The following ROBO2 variants were observed in gnomAD, a reference collection of about 807,000 sequenced individuals.
ROBO2 encodes the protein roundabout guidance receptor 2, also known as roundabout homolog 2.
A neutral mutation model predicts 160.8 loss-of-function variants in ROBO2; 53 were observed. The ratio of observed to expected loss-of-function variants is 0.33; its 90% CI spans 0.26 to 0.41. The LOEUF (loss-of-function observed/expected upper bound fraction) is 0.41. ROBO2 is among the 10% of genes least tolerant of loss of function. ROBO2 has a pLI of 1.00. For missense variants in ROBO2, 1,577 were observed against 1,722.4 expected (o/e 0.92, Z 1.49); for synonymous variants, 664 against 611.7 (o/e 1.09, Z -1.26).
At chr3:77,264,748 G>A (rs772957014) in intron 2 of ROBO2, among the ~76,000 whole-genome samples, 59 of 152,110 alleles carry the variant, frequency 3.9e-4, no homozygotes, top group Non-Finnish European at 7.4e-4. Flanking sequence ...CATTTCTCTC[G>A]AGTTCCTTTA....
At chr3:76,723,634 C>A (rs1463025017) in intron 2 of ROBO2, among the ~76,000 whole-genome samples, 1 of 152,144 alleles carries the variant, frequency 6.6e-6, no homozygotes, top group East Asian at 1.9e-4. Context: ...TGCTAGTAAG[C>A]CCCATAGCTA....
At chr3:77,238,175 C>T (rs1384324512) in intron 2 of ROBO2, among the ~76,000 whole-genome samples, 2 of 151,996 alleles carry the variant, frequency 1.3e-5, no homozygotes, top group Non-Finnish European at 2.9e-5. Context: ...TCTCTCAGCC[C>T]GTGTTTGTCT....
intron 2 of ROBO2, among the ~76,000 whole-genome samples, chr3:76,729,973 G>A (rs562339755): frequency 3.2e-4 from 48 of 152,204 alleles, no homozygotes; most frequent in African/African-American, 1.2e-3. Flanking sequence ...CATCAGTATA[G>A]TCTTGAGAGG....
chr3:76,695,006 A>G (rs1201802073), intron 2 of ROBO2, among the ~76,000 whole-genome samples: 4 of 152,168 alleles, frequency 2.6e-5, no homozygotes, highest in Non-Finnish European at 4.4e-5. Flanking sequence ...CAGGAGGCTG[A>G]GGCAGGAGAA....
chr3:75,993,351 AAAG>A (rs1468130739), intron 2 of ROBO2, among the ~76,000 whole-genome samples: 7 of 152,102 alleles, frequency 4.6e-5, no homozygotes, highest in East Asian at 1.9e-4. Context: ...ATGGTTTTAA[AAAG>A]AAGAATTCCC....
At position 77,509,014 on chromosome 3, in the gene ROBO2, T is replaced by A. The variant is rs116105866; in HGVS notation, c.807-13761T>A. Among the ~76,000 whole-genome samples, 931 of 152,124 alleles carry A rather than the reference T, an allele frequency of 6.1e-3. 14 individuals carry two copies. Among genetic ancestry groups the A allele is most frequent in the African/African-American group, 0.021 (886 of 41,524 alleles). ...GAGCAAACAGGTTTATTAATGAGTG[T>A]AGTGTATGTCAAAATGAGAGAGGGG... On this transcript the variant is annotated intron_variant, in intron 5 of 25. Coordinates refer to ENST00000461745, the Ensembl canonical transcript of ROBO2.
At chr3:77,087,385 C>T (rs961046270) in intron 1 of ROBO2, among the ~76,000 whole-genome samples, 4 of 151,998 alleles carry the variant, frequency 2.6e-5, no homozygotes, top group Non-Finnish European at 5.9e-5. Flanking sequence ...AGCTGTCTTC[C>T]TGGAATAGGG....
intron 2 of ROBO2, among the ~76,000 whole-genome samples, chr3:76,257,308 G>C (rs147709977): frequency 1.3e-5 from 2 of 152,200 alleles, no homozygotes; most frequent in African/African-American, 4.8e-5. Flanking sequence ...GTGTGTGTGT[G>C]TGTGAACACC....
At chr3:76,248,819 CA>C (rs1380374200) in intron 2 of ROBO2, among the ~76,000 whole-genome samples, 1 of 151,946 alleles carries the variant, frequency 6.6e-6, no homozygotes, top group Non-Finnish European at 1.5e-5. Flanking sequence ...GTCATTTCAC[CA>C]ACCTCTAAAC....
intron 2 of ROBO2, among the ~76,000 whole-genome samples, chr3:76,740,535 T>TGA (rs1469903507): frequency 1.3e-5 from 2 of 152,136 alleles, no homozygotes; most frequent in Non-Finnish European, 2.9e-5. Context: ...AGATTCATCT[T>TGA]TAGTAGGTTT....
At chr3:76,653,781 G>A (rs1194600313) in intron 2 of ROBO2, among the ~76,000 whole-genome samples, 2 of 152,168 alleles carry the variant, frequency 1.3e-5, no homozygotes, top group Admixed American at 1.3e-4. Flanking sequence ...AGGGGCAGCA[G>A]ACTGGAAAAT....
chr3:76,142,514 A>G (rs1387323528), intron 2 of ROBO2, among the ~76,000 whole-genome samples: 3 of 152,056 alleles, frequency 2.0e-5, no homozygotes, highest in Admixed American at 1.3e-4. Flanking sequence ...TTGCAACAAC[A>G]TGGATGGTAC....
chr3:77,607,265 C>T (rs577913828), intron 20 of ROBO2, among the ~76,000 whole-genome samples: 36 of 152,228 alleles, frequency 2.4e-4, no homozygotes, highest in South Asian at 1.0e-3. Flanking sequence ...AACGTATCTT[C>T]GCAAAATATT....
intron 2 of ROBO2, among the ~76,000 whole-genome samples, chr3:77,006,106 G>A (rs2061562629): frequency 6.6e-6 from 1 of 151,760 alleles, no homozygotes; most frequent in Non-Finnish European, 1.5e-5. Flanking sequence ...GGTAAAGACA[G>A]TCACTTCTAT....
At chr3:76,685,545 C>T (rs1382257474) in intron 2 of ROBO2, among the ~76,000 whole-genome samples, 1 of 152,108 alleles carries the variant, frequency 6.6e-6, no homozygotes. Context: ...GACTTCCGAT[C>T]ACTTAACTAT....
At chr3:76,880,830 G>A (rs1371498515) in intron 2 of ROBO2, among the ~76,000 whole-genome samples, 3 of 152,152 alleles carry the variant, frequency 2.0e-5, no homozygotes, top group South Asian at 2.1e-4. Flanking sequence ...GGCATTTTAA[G>A]CATTCTTAGA....
At chr3:76,744,693 T>G (rs2093856386) in intron 2 of ROBO2, among the ~76,000 whole-genome samples, 1 of 152,070 alleles carries the variant, frequency 6.6e-6, no homozygotes, top group African/African-American at 2.4e-5. Context: ...CTCCTTGGCT[T>G]GTAGATAGCC....
intron 2 of ROBO2, among the ~76,000 whole-genome samples, chr3:77,185,806 C>T (rs991005050): frequency 6.0e-5 from 9 of 151,046 alleles, no homozygotes; most frequent in African/African-American, 1.5e-4. Context: ...GTGATACACA[C>T]ATATATATAT....
At chr3:76,757,455 C>T (rs761565369) in intron 2 of ROBO2, among the ~76,000 whole-genome samples, 21 of 151,906 alleles carry the variant, frequency 1.4e-4, no homozygotes, top group Non-Finnish European at 2.7e-4. Context: ...CGTGTGGTCA[C>T]TAAGTAAAGA....
Sources: allele counts gnomAD v4.1 joint callset (sites outside exome capture counted in the v4.1 genomes callset), GRCh38; gene constraint gnomAD v4.1.1; transcripts MANE v1.5; gene names NCBI Gene and HGNC (gene_info 2026-07-23, HGNC 2026-07-21).